MYO18B: variants seen among roughly 807,000 people sequenced by gnomAD.
MYO18B encodes unconventional myosin-XVIIIb.
MYO18B carries 204 observed loss-of-function variants against 273.0 expected under a neutral mutation model. The observed-to-expected ratio is 0.75, with a 90% CI of 0.67 to 0.84. The LOEUF (loss-of-function observed/expected upper bound fraction) is 0.84, where lower values mean the gene tolerates loss of function less well. Ranked by LOEUF, MYO18B falls within the 40% of genes least tolerant of loss-of-function variation. MYO18B has a pLI of 0.00. For missense variants in MYO18B, 3,212 were observed against 3,287.6 expected, an observed-to-expected ratio of 0.98 and a Z score of 0.56; for synonymous variants, 1,330 against 1,305.7, an observed-to-expected ratio of 1.02 and a Z score of -0.40.
chr22:26,001,048 C>A (rs1191619748), intron 40 of MYO18B, among the ~76,000 whole-genome samples: 1 of 152,030 alleles, frequency 6.6e-6, no homozygotes, highest in African/African-American at 2.4e-5. Context: ...ATCTTAGGCT[C>A]TTATAAGATT....
rs139925437 is a variant in MYO18B at position 25,995,895 on chromosome 22, G to A, written c.6287+3402G>A. ...TGTTTTTCCCTTGACTGGATCTCTA[G>A]TTTCCATATAACACCTGTCTCATAG... On this transcript the variant is annotated intron_variant, in intron 40 of 43. Coordinates refer to ENST00000335473, the MANE Select transcript of MYO18B (RefSeq NM_032608.7). Among the ~76,000 whole-genome samples, 4 of 152,244 alleles carry A rather than the reference G, an allele frequency of 2.6e-5. No individual in the cohort carries two copies. In the East Asian group the frequency reaches 7.7e-4, roughly 29 times the overall value.
intron 1 of MYO18B, among the ~76,000 whole-genome samples, chr22:25,757,009 C>T (rs552240969): frequency 2.0e-5 from 3 of 152,066 alleles, no homozygotes; most frequent in East Asian, 1.9e-4. Context: ...TGCAGTGAGC[C>T]GAGATCGTGC....
chr22:25,969,755 C>T (rs969935721), intron 39 of MYO18B, among the ~76,000 whole-genome samples: 1 of 152,240 alleles, frequency 6.6e-6, no homozygotes. Context: ...CATGTCCTTA[C>T]TGTGTGACTT....
intron 34 of MYO18B, among the ~76,000 whole-genome samples, chr22:25,935,355 T>C (rs2092563017): frequency 6.6e-6 from 1 of 152,144 alleles, no homozygotes; most frequent in African/African-American, 2.4e-5. Flanking sequence ...GTTGTAAAAG[T>C]GGCCGAGTGG....
chr22:25,779,450 G>T (rs182143532), intron 8 of MYO18B, among the ~76,000 whole-genome samples: 4 of 152,272 alleles, frequency 2.6e-5, no homozygotes, highest in Admixed American at 2.6e-4. Flanking sequence ...CTCCACTGGG[G>T]TTATTCCAGT....
In MYO18B at chr22:25,780,323, G is replaced by C. The variant is rs1297878015; in HGVS notation, c.2211+125G>C. The C allele has an allele frequency of 1.0e-4, 121 of 1,208,758 alleles. 1 individual carries two copies. The highest frequency in any genetic ancestry group is 2.7e-5 in the Non-Finnish European group (24 of 886,154). 74.9% of individuals were successfully genotyped at this position (1,208,758 alleles called of 1,614,324 possible). A position where few individuals can be genotyped will look rare whatever the true frequency, so the allele number is the denominator to read the frequency against. On this transcript the variant is annotated intron_variant, in intron 9 of 43. Coordinates refer to ENST00000335473, the MANE Select transcript of MYO18B (RefSeq NM_032608.7). ...TGTGTCTGAAATGGTCATGGCGGTGGCTCAGGCCTGTAATCCCAGCACTTT... is the reference window on the plus strand; with the variant it reads ...TGTGTCTGAAATGGTCATGGCGGTGCCTCAGGCCTGTAATCCCAGCACTTT...
chr22:25,808,960 T>C (rs975525785), intron 12 of MYO18B, among the ~76,000 whole-genome samples: 5 of 152,150 alleles, frequency 3.3e-5, no homozygotes, highest in Non-Finnish European at 7.3e-5. Flanking sequence ...GCGGTTTTTT[T>C]TGAGACAGAG....
rs145870796 is a variant in MYO18B at position 25,756,266 on chromosome 22, G to C, written c.-109-4718G>C. ...CAACACAAAGCAGACTAATGCAAAA[G>C]CCCACACTGTGGGAAACTTTTTCTT... is the stretch of plus-strand genomic sequence containing the variant. On this transcript the variant is annotated intron_variant, in intron 1 of 43. Transcript: ENST00000335473. 10 of 152,334 alleles carry C rather than the reference G, an allele frequency of 6.6e-5. No individual in the cohort carries two copies. The East Asian group carries it at 1.7e-3, about 26-fold the overall frequency. 9.4% of individuals were successfully genotyped at this position (152,334 alleles called of 1,614,324 possible).
intron 34 of MYO18B, among the ~76,000 whole-genome samples, chr22:25,934,688 C>T (rs1418084930): frequency 1.3e-5 from 2 of 152,110 alleles, no homozygotes; most frequent in Admixed American, 1.3e-4. Flanking sequence ...AGGGGGCTTC[C>T]AGGTCACAGG....
At chr22:25,992,302 CATGCATGGGTGGTGCA>C in intron 39 of MYO18B, 45 bp from the exon 40 acceptor site, 1 of 1,596,600 alleles carries the variant, frequency 6.3e-7, no homozygotes, top group Non-Finnish European at 8.6e-7. Context: ...TTCCCCAGTG[CATGCATGGGTGGTGCA>C]TTTCTTGCCC....
chr22:25,986,128 G>A (rs962939198), intron 39 of MYO18B, among the ~76,000 whole-genome samples: 6 of 152,300 alleles, frequency 3.9e-5, no homozygotes, highest in East Asian at 1.9e-4. Flanking sequence ...ATGGACTGCC[G>A]TCAGGAGACC....
intron 12 of MYO18B, among the ~76,000 whole-genome samples, chr22:25,809,855 G>A (rs2088657299): frequency 6.6e-6 from 1 of 151,416 alleles, no homozygotes; most frequent in Admixed American, 6.6e-5. Context: ...AGTAACAGAG[G>A]GACTGTTAAC....
the MYO18B span, among the ~76,000 whole-genome samples, chr22:26,039,472 A>G: frequency 6.6e-6 from 1 of 152,176 alleles, no homozygotes; most frequent in African/African-American, 2.4e-5. Context: ...AAAGGCTTAC[A>G]CTAGTCTCAC....
intron 5 of MYO18B, 33 bp from the exon 6 acceptor site, chr22:25,770,829 ATCTCCTCCCC>A: frequency 7.0e-7 from 1 of 1,435,340 alleles, no homozygotes; most frequent in Non-Finnish European, 9.6e-7. Flanking sequence ...TTCCCCTCCC[ATCTCCTCCCC>A]GTTCCCCTTC....
chr22:25,864,822 T>C (rs1213156443), intron 21 of MYO18B, among the ~76,000 whole-genome samples: 1 of 152,220 alleles, frequency 6.6e-6, no homozygotes, highest in Non-Finnish European at 1.5e-5. Flanking sequence ...ATGGCCACAT[T>C]TGACTCACGA....
chr22:25,817,086 G>A (rs558432283), intron 12 of MYO18B, among the ~76,000 whole-genome samples: 8 of 152,236 alleles, frequency 5.3e-5, no homozygotes, highest in East Asian at 1.9e-4. Context: ...TCTCTCTCTC[G>A]CTCTCATTTT....
intron 39 of MYO18B, among the ~76,000 whole-genome samples, chr22:25,987,165 C>T (rs1050656075): frequency 2.0e-5 from 3 of 152,164 alleles, no homozygotes; most frequent in Non-Finnish European, 4.4e-5. Flanking sequence ...GAGTCTTGTC[C>T]ATTTGCAGAG....
chr22:25,771,556 C>T (rs2086720920), intron 6 of MYO18B, among the ~76,000 whole-genome samples: 2 of 152,192 alleles, frequency 1.3e-5, no homozygotes. Context: ...TGCCCTTTCC[C>T]CCCGCCCCTC....
At chr22:25,952,556 C>A in intron 38 of MYO18B, 133 bp downstream of exon 38, 1 of 1,207,504 alleles carries the variant, frequency 8.3e-7, no homozygotes, top group Non-Finnish European at 1.2e-6. Flanking sequence ...ATCCACTTCT[C>A]ACCCAAGCTC....
Sources: allele counts gnomAD v4.1 joint callset (sites outside exome capture counted in the v4.1 genomes callset), GRCh38; gene constraint gnomAD v4.1.1; transcripts MANE v1.5; gene names NCBI Gene and HGNC (gene_info 2026-07-23, HGNC 2026-07-21).